MTMR6: variants seen among roughly 807,000 people sequenced by gnomAD.
The protein encoded by MTMR6 is phosphatidylinositol-3,5-bisphosphate 3-phosphatase MTMR6.
In MTMR6, 47 loss-of-function variants were observed where a neutral mutation model predicts 80.1. The ratio of observed to expected loss-of-function variants is 0.59; its 90% CI spans 0.46 to 0.75. MTMR6 has a LOEUF of 0.75. Among genes scored for constraint, MTMR6 ranks in the 30% least tolerant of loss-of-function variants. MTMR6 has a pLI of 0.00. For synonymous variants in MTMR6, 254 were observed against 253.0 expected (o/e 1.00, Z -0.04); for missense variants, 629 against 730.9 (o/e 0.86, Z 1.61).
intron 5 of MTMR6, 85 bp downstream of exon 5, chr13:25,265,731 CAAA>C (rs371486423): frequency 1.5e-3 from 1,804 of 1,203,962 alleles, no homozygotes; most frequent in South Asian, 2.5e-3. Flanking sequence ...GACCCTATCT[CAAA>C]AAAAAAAAAA....
In MTMR6 at chr13:25,246,299, T is replaced by C. The variant is rs1023150415; in HGVS notation, c.*2933A>G. ...TTCTTATATCAAGTACAATGGTATA[T>C]ATACTTTTTTTTGAGATAATTATTC... is the stretch of plus-strand genomic sequence containing the variant. On this transcript the variant is annotated 3_prime_UTR_variant, in exon 14 of 14. Coordinates refer to ENST00000381801, the MANE Select transcript of MTMR6 (RefSeq NM_004685.5). 6.5e-6 allele frequency: 1 copy of C among 152,688 alleles called. No individual in the cohort carries two copies. The highest frequency in any genetic ancestry group is 1.5e-5 in the Non-Finnish European group (1 of 68,048). 9.5% of individuals were successfully genotyped at this position (152,688 alleles called of 1,614,324 possible). A position where few individuals can be genotyped will look rare whatever the true frequency, so the allele number is the denominator to read the frequency against.
rs1184459673 is a variant in MTMR6, at chr13:25,249,135, T to C, written c.*97A>G. 1.4e-5 allele frequency: 19 copies of C among 1,366,558 alleles called. No homozygotes were observed. The highest frequency in any genetic ancestry group is 5.8e-5 in the African/African-American group (4 of 69,008). 84.7% of individuals were successfully genotyped at this position (1,366,558 alleles called of 1,614,324 possible). ...ATTAGCCTACTGTTAAACCCTAAAA[T>C]TGTTATTAGACAAATTCCTTTTGGT... On this transcript the variant is annotated 3_prime_UTR_variant, in exon 14 of 14. Transcript: ENST00000381801.
chr13:25,255,823 C>G (rs901884204), intron 9 of MTMR6, among the ~76,000 whole-genome samples: 23 of 152,116 alleles, frequency 1.5e-4, no homozygotes, highest in African/African-American at 5.5e-4. Flanking sequence ...CGCCCAGCCA[C>G]TGACTCTACT....
At chr13:25,283,190 C>A (rs1269182437) in intron 1 of MTMR6, among the ~76,000 whole-genome samples, 1 of 152,076 alleles carries the variant, frequency 6.6e-6, no homozygotes. Flanking sequence ...GATTATTATT[C>A]TGTGAGGCAA....
chr13:25,265,046 G>GT (rs995210407), intron 5 of MTMR6, among the ~76,000 whole-genome samples: 3 of 152,128 alleles, frequency 2.0e-5, no homozygotes, highest in South Asian at 2.1e-4. Context: ...GGCTACAAAG[G>GT]TAAGTTTTAC....
chr13:25,266,417 T>C, intron 3 of MTMR6, 131 bp from the exon 4 acceptor site: 1 of 728,712 alleles, frequency 1.4e-6, no homozygotes, highest in Non-Finnish European at 2.2e-6. Context: ...AATACCTGAA[T>C]ACATTTGATG....
intron 5 of MTMR6, among the ~76,000 whole-genome samples, chr13:25,262,241 G>A (rs1450526913): frequency 2.0e-5 from 3 of 152,044 alleles, no homozygotes; most frequent in African/African-American, 7.2e-5. Flanking sequence ...ATTAGAAATC[G>A]GCAATCTTAA....
chr13:25,249,553 A>T (rs1957043451), intron 13 of MTMR6, 61 bp from the exon 14 acceptor site: 1 of 1,528,028 alleles, frequency 6.5e-7, no homozygotes, highest in African/African-American at 1.4e-5. Flanking sequence ...TGTTACATGA[A>T]AAAAGAAAAC....
rs543425143 is a variant in MTMR6 at position 25,262,054 on chromosome 13, T to A, written c.592-252A>T. 7.2e-5 allele frequency among the ~76,000 whole-genome samples: 11 copies of A among 152,268 alleles called. No individual in the cohort carries two copies. The East Asian group carries it at 1.9e-3, about 27-fold the overall frequency. ...ATGAAGAAACCTGGGTCCTAAGAAA[T>A]AACACCCAGTCAATTCTCTGTGAAG... On this transcript the variant is annotated intron_variant, in intron 5 of 13. Transcript: ENST00000381801.
chr13:25,282,141 G>C (rs1957864576), intron 1 of MTMR6, among the ~76,000 whole-genome samples: 1 of 152,000 alleles, frequency 6.6e-6, no homozygotes, highest in East Asian at 1.9e-4. Flanking sequence ...TGCCCCTGTT[G>C]TTCCCTTTGT....
At chr13:25,253,074 C>T (rs1361316525) in intron 11 of MTMR6, among the ~76,000 whole-genome samples, 1 of 152,018 alleles carries the variant, frequency 6.6e-6, no homozygotes, top group Admixed American at 6.6e-5. Context: ...TACATAGGAC[C>T]TCTAAGACCT....
At chr13:25,279,950 G>A (rs1019151703) in intron 1 of MTMR6, among the ~76,000 whole-genome samples, 1 of 152,194 alleles carries the variant, frequency 6.6e-6, no homozygotes, top group Non-Finnish European at 1.5e-5. Flanking sequence ...GATCATTCCA[G>A]TGTGAATGTG....
At chr13:25,264,753 C>CAAAAAA (rs769719876) in intron 5 of MTMR6, among the ~76,000 whole-genome samples, 28 of 33,298 alleles carry the variant, frequency 8.4e-4, no homozygotes, top group Non-Finnish European at 1.2e-3. Context: ...AACTCCATCT[C>CAAAAAA]AAAAAAAAAA....
chr13:25,246,700 A>G lies in MTMR6; in HGVS notation c.*2532T>C, dbSNP rs1385614019. The stretch of plus-strand genomic sequence containing the variant: ...TTTTAAAGCTGACCTTCTGCAAAAA[A>G]TGTTTCAAAACAGGCTTGACTGACA... On this transcript the variant is annotated 3_prime_UTR_variant, in exon 14 of 14. Coordinates refer to ENST00000381801, the MANE Select transcript of MTMR6 (RefSeq NM_004685.5). 1 of 152,796 alleles carries G rather than the reference A, an allele frequency of 6.5e-6. No homozygotes were observed. The highest frequency in any genetic ancestry group is 1.9e-4 in the East Asian group (1 of 5,200). 9.5% of individuals were successfully genotyped at this position (152,796 alleles called of 1,614,324 possible).
chr13:25,266,426 T>C (rs1957455087), intron 3 of MTMR6, 140 bp from the exon 4 acceptor site: 1 of 694,074 alleles, frequency 1.4e-6, no homozygotes, highest in South Asian at 2.1e-5. Flanking sequence ...ATACATTTGA[T>C]GTTCAGTATG....
intron 5 of MTMR6, 87 bp downstream of exon 5, chr13:25,265,731 CA>C (rs371486423): frequency 0.22 from 241,639 of 1,122,092 alleles, 155 homozygotes; most frequent in South Asian, 0.26. Context: ...GACCCTATCT[CA>C]AAAAAAAAAA....
In MTMR6 at chr13:25,287,116, G is replaced by A. The variant is rs1164070939; in HGVS notation, c.24+108C>T. The stretch of plus-strand genomic sequence containing the variant: ...CCCTCCCGCCCCGGGCCGGGTCTCC[G>A]CCGGGCCGGCTCCCAGCCCCAGTCA... On this transcript the variant is annotated intron_variant, in intron 1 of 13. Transcript: ENST00000381801. 5 of 1,476,632 alleles carry A rather than the reference G, an allele frequency of 3.4e-6. No individual in the cohort carries two copies. The African/African-American group carries it at 4.2e-5, about 12-fold the overall frequency. 91.5% of individuals were successfully genotyped at this position (1,476,632 alleles called of 1,614,324 possible). A position where few individuals can be genotyped will look rare whatever the true frequency, so the allele number is the denominator to read the frequency against.
At chr13:25,263,281 A>T (rs914080481) in intron 5 of MTMR6, among the ~76,000 whole-genome samples, 6 of 152,150 alleles carry the variant, frequency 3.9e-5, no homozygotes, top group African/African-American at 1.2e-4. Flanking sequence ...CAGGTATATA[A>T]CTGAAAAAAA....
chr13:25,255,775 G>A (rs992997942), intron 9 of MTMR6, among the ~76,000 whole-genome samples: 1 of 152,092 alleles, frequency 6.6e-6, no homozygotes, highest in African/African-American at 2.4e-5. Context: ...ACCCGCCTTG[G>A]CCTCCCAAAG....
Sources: allele counts gnomAD v4.1 joint callset (sites outside exome capture counted in the v4.1 genomes callset), GRCh38; gene constraint gnomAD v4.1.1; transcripts MANE v1.5; gene names NCBI Gene and HGNC (gene_info 2026-07-23, HGNC 2026-07-21).